Variants in TEAD4 observed in about 807,000 individuals in gnomAD.
TEAD4 encodes transcriptional enhancer factor TEF-3.
A neutral mutation model predicts 52.4 loss-of-function variants in TEAD4; 36 were observed. The ratio of observed to expected loss-of-function variants is 0.69; its 90% CI spans 0.53 to 0.91. The LOEUF (loss-of-function observed/expected upper bound fraction) is 0.91, where lower values mean the gene tolerates loss of function less well. Among genes scored for constraint, TEAD4 ranks in the 40% least tolerant of loss-of-function variants. TEAD4 has a pLI of 0.00. For synonymous variants in TEAD4, 220 were observed against 231.0 expected (o/e 0.95, Z 0.43); for missense variants, 508 against 583.9 (o/e 0.87, Z 1.34).
intron 6 of TEAD4, among the ~76,000 whole-genome samples, chr12:3,018,107 G>A (rs568956835): frequency 8.5e-5 from 13 of 152,306 alleles, no homozygotes; most frequent in South Asian, 2.1e-4. Flanking sequence ...CCCTAGGCAC[G>A]TGGGGAAGGG....
chr12:2,970,083 A>C (rs1282321073), intron 2 of TEAD4, among the ~76,000 whole-genome samples: 1 of 152,216 alleles, frequency 6.6e-6, no homozygotes, highest in African/African-American at 2.4e-5. Context: ...AGGAAAACTT[A>C]ACTGGTAAAA....
intron 2 of TEAD4, among the ~76,000 whole-genome samples, chr12:2,982,751 T>A (rs530301242): frequency 4.6e-5 from 7 of 152,324 alleles, no homozygotes; most frequent in Admixed American, 3.3e-4. Flanking sequence ...TTGGATGACC[T>A]GCTGCCCTGC....
At chr12:3,029,441 T>C (rs1310087654) in intron 10 of TEAD4, among the ~76,000 whole-genome samples, 2 of 152,102 alleles carry the variant, frequency 1.3e-5, no homozygotes, top group Non-Finnish European at 2.9e-5. Flanking sequence ...GGTTTCACTG[T>C]GTTAGCCAGG....
chr12:3,018,982 G>A, intron 7 of TEAD4, 133 bp from the exon 8 acceptor site: 2 of 1,105,964 alleles, frequency 1.8e-6, no homozygotes, highest in Non-Finnish European at 2.7e-6. Context: ...GGCGGGAGTA[G>A]GAGGCCAAGG....
chr12:2,973,005 C>A (rs771329782), intron 2 of TEAD4, among the ~76,000 whole-genome samples: 44 of 152,318 alleles, frequency 2.9e-4, no homozygotes, highest in Non-Finnish European at 1.3e-4. Context: ...CATCCCTCCC[C>A]CTTCCCCTCT....
intron 2 of TEAD4, among the ~76,000 whole-genome samples, chr12:2,966,231 G>A (rs2098220115): frequency 6.6e-6 from 1 of 152,114 alleles, no homozygotes; most frequent in African/African-American, 2.4e-5. Flanking sequence ...GGAGATGGAT[G>A]TGTGACTGCT....
At chr12:2,990,142 T>C (rs2098241858) in intron 2 of TEAD4, among the ~76,000 whole-genome samples, 1 of 152,224 alleles carries the variant, frequency 6.6e-6, no homozygotes, top group African/African-American at 2.4e-5. Flanking sequence ...ATCCCAACCA[T>C]TGGGTTTTTA....
chr12:2,971,231 A>G (rs906278046), intron 2 of TEAD4, among the ~76,000 whole-genome samples: 17 of 152,172 alleles, frequency 1.1e-4, no homozygotes, highest in African/African-American at 4.1e-4. Context: ...TGCCTGGTAA[A>G]GGATGATTGA....
chr12:2,963,663 G>T (rs1316676352), intron 2 of TEAD4, among the ~76,000 whole-genome samples: 5 of 152,204 alleles, frequency 3.3e-5, no homozygotes. Flanking sequence ...CTTGCTTTTG[G>T]TTTTTCCCGC....
chr12:3,035,836 A>G (rs1017892956), intron 10 of TEAD4, among the ~76,000 whole-genome samples: 17 of 146,172 alleles, frequency 1.2e-4, no homozygotes, highest in African/African-American at 3.7e-4. Context: ...AAAAAAAAAA[A>G]AAGAAGAAGA....
intron 11 of TEAD4, among the ~76,000 whole-genome samples, chr12:3,039,150 T>G (rs2098281190): frequency 6.6e-6 from 1 of 152,238 alleles, no homozygotes; most frequent in Admixed American, 6.5e-5. Flanking sequence ...TGGCTGCACC[T>G]TGCAGTCTCC....
chr12:2,966,847 C>G (rs551014562), intron 2 of TEAD4, among the ~76,000 whole-genome samples: 20 of 152,256 alleles, frequency 1.3e-4, no homozygotes, highest in Admixed American at 2.6e-4. Flanking sequence ...GCTGGGATTA[C>G]AGGCACCTGC....
chr12:3,027,376 C>T (rs1162765626), intron 10 of TEAD4, among the ~76,000 whole-genome samples: 1 of 152,158 alleles, frequency 6.6e-6, no homozygotes, highest in East Asian at 1.9e-4. Context: ...TCTTAGCTGC[C>T]TGTCTGTATT....
At chr12:3,017,674 C>T in intron 6 of TEAD4, 148 bp downstream of exon 6, 1 of 1,178,528 alleles carries the variant, frequency 8.5e-7, no homozygotes. Flanking sequence ...GGAACAAGGA[C>T]CCAAGGGCCA....
intron 4 of TEAD4, 33 bp from the exon 5 acceptor site, chr12:3,012,137 G>C: frequency 6.2e-7 from 1 of 1,611,692 alleles, no homozygotes; most frequent in Non-Finnish European, 8.5e-7. Context: ...GTTGTTGGGA[G>C]GTAGAGACAG....
intron 3 of TEAD4, among the ~76,000 whole-genome samples, chr12:3,010,686 G>A (rs1172586182): frequency 1.3e-5 from 2 of 152,188 alleles, no homozygotes; most frequent in African/African-American, 4.8e-5. Flanking sequence ...AGAGGAGGCC[G>A]CCAGCGCTGG....
chr12:2,966,384 C>T (rs928019550), intron 2 of TEAD4, among the ~76,000 whole-genome samples: 1 of 151,702 alleles, frequency 6.6e-6, no homozygotes, highest in Admixed American at 6.6e-5. Flanking sequence ...GCCTGTGTGG[C>T]CTGTGTCTTC....
intron 4 of TEAD4, 28 bp from the exon 5 acceptor site, chr12:3,012,142 A>G: frequency 6.2e-7 from 1 of 1,612,686 alleles, no homozygotes; most frequent in South Asian, 1.1e-5. Flanking sequence ...TGGGAGGTAG[A>G]GACAGGAGTC....
chr12:3,009,968 G>A (rs867989871), intron 3 of TEAD4, among the ~76,000 whole-genome samples: 73 of 152,286 alleles, frequency 4.8e-4, no homozygotes, highest in African/African-American at 1.4e-3. Flanking sequence ...TCACCTCCCC[G>A]GGCATCAGCA....
Sources: gnomAD v4.1 joint callset for allele counts (sites outside exome capture counted in the v4.1 genomes callset) on GRCh38, gnomAD v4.1.1 for gene constraint, MANE v1.5 for transcripts, NCBI Gene and HGNC (gene_info 2026-07-23, HGNC 2026-07-21) for gene names.